CDC42SE2: variants seen among roughly 807,000 people sequenced by gnomAD.
CDC42SE2 encodes the protein CDC42 small effector protein 2.
Under a neutral mutation model 11.5 loss-of-function variants are expected in CDC42SE2, and 3 were observed. The observed-to-expected ratio is 0.26, with a 90% CI of 0.12 to 0.67. The LOEUF is 0.67. Among genes scored for constraint, CDC42SE2 ranks in the 30% least tolerant of loss-of-function variants. The pLI, the probability that CDC42SE2 is intolerant of heterozygous loss-of-function variation, is 0.80. For synonymous variants in CDC42SE2, 33 were observed against 34.8 expected (o/e 0.95, Z 0.18); for missense variants, 82 against 106.8 (o/e 0.77, Z 1.02).
chr5:131,336,011 A>C (rs1364108726), intron 2 of CDC42SE2, among the ~76,000 whole-genome samples: 1 of 152,180 alleles, frequency 6.6e-6, no homozygotes, highest in Non-Finnish European at 1.5e-5. Context: ...TCCTGTCGTT[A>C]TGATGTTAGC....
chr5:131,337,741 G>A (rs780235332), intron 2 of CDC42SE2, among the ~76,000 whole-genome samples: 1 of 152,218 alleles, frequency 6.6e-6, no homozygotes, highest in Non-Finnish European at 1.5e-5. Flanking sequence ...AATGAGCGAG[G>A]CTCCGTGAGG....
At chr5:131,211,381 G>T in the CDC42SE2 span, among the ~76,000 whole-genome samples, 21 of 151,694 alleles carry the variant, frequency 1.4e-4, no homozygotes, top group Non-Finnish European at 2.5e-4. Flanking sequence ...TTCCTTTTTC[G>T]CAGTGATTTG....
the CDC42SE2 span, among the ~76,000 whole-genome samples, chr5:131,228,205 T>TA: frequency 2.9e-4 from 43 of 146,532 alleles, no homozygotes; most frequent in East Asian, 5.9e-4. Context: ...AGACCCTGTT[T>TA]AAAAAAAAAA....
chr5:131,234,624 A>C, the CDC42SE2 span, among the ~76,000 whole-genome samples: 1 of 150,356 alleles, frequency 6.7e-6, no homozygotes, highest in Non-Finnish European at 1.5e-5. Flanking sequence ...TGACAGAGTG[A>C]GACTCTGTCT....
intron 3 of CDC42SE2, among the ~76,000 whole-genome samples, chr5:131,367,216 T>C (rs939175939): frequency 2.0e-5 from 3 of 151,912 alleles, no homozygotes; most frequent in Admixed American, 1.3e-4. Context: ...CAAACAGATA[T>C]AAGCTCCTAC....
At chr5:131,236,440 T>A in the CDC42SE2 span, among the ~76,000 whole-genome samples, 733 of 152,250 alleles carry the variant, frequency 4.8e-3, 7 homozygotes, top group Non-Finnish European at 9.2e-3. Context: ...TATTATTATT[T>A]TTTTGAGACG....
intron 2 of CDC42SE2, among the ~76,000 whole-genome samples, chr5:131,348,710 G>C (rs1022021561): frequency 2.0e-5 from 3 of 152,010 alleles, no homozygotes; most frequent in Non-Finnish European, 4.4e-5. Context: ...AAGAACAAAG[G>C]TGGAGGCATC....
chr5:131,268,894 G>GC (rs1380004132), intron 1 of CDC42SE2, among the ~76,000 whole-genome samples: 1 of 151,502 alleles, frequency 6.6e-6, no homozygotes, highest in Non-Finnish European at 1.5e-5. Flanking sequence ...GGGACTACAG[G>GC]CGTGTGCCAC....
At chr5:131,381,874 A>G (rs965656346) in intron 3 of CDC42SE2, among the ~76,000 whole-genome samples, 2 of 152,212 alleles carry the variant, frequency 1.3e-5, no homozygotes, top group South Asian at 2.1e-4. Context: ...AGTCCTTTAC[A>G]AACTCTATGT....
At position 131,360,898 on chromosome 5, in the gene CDC42SE2, T is replaced by C. The variant is rs187835965; in HGVS notation, c.54+1351T>C. On this transcript the variant is annotated intron_variant, in intron 3 of 4. Transcript: ENST00000505065. ...TTAATTGCTCTACTTACTTAATATGTTTTGCTGTGTCATAGGGGAAATTTT... is the reference window on the plus strand; with the variant it reads ...TTAATTGCTCTACTTACTTAATATGCTTTGCTGTGTCATAGGGGAAATTTT... Among the ~76,000 whole-genome samples the C allele has an allele frequency of 2.7e-4, 41 of 152,248 alleles. 1 individual carries two copies. Among genetic ancestry groups the C allele is most frequent in the Admixed American group, 2.6e-3 (40 of 15,286 alleles).
At chr5:131,286,534 A>G (rs1215071475) in intron 1 of CDC42SE2, among the ~76,000 whole-genome samples, 4 of 151,680 alleles carry the variant, frequency 2.6e-5, no homozygotes, top group African/African-American at 9.7e-5. Flanking sequence ...AAGGCTTTAT[A>G]CTCAGCGTAC....
At chr5:131,230,063 A>G in the CDC42SE2 span, among the ~76,000 whole-genome samples, 1 of 152,204 alleles carries the variant, frequency 6.6e-6, no homozygotes, top group East Asian at 1.9e-4. Flanking sequence ...CCTTTCCAAT[A>G]TCATTTATAA....
chr5:131,322,736 G>C (rs1447294761), intron 2 of CDC42SE2, among the ~76,000 whole-genome samples: 1 of 152,124 alleles, frequency 6.6e-6, no homozygotes, highest in East Asian at 1.9e-4. Context: ...TGGCTGTTGT[G>C]CTACCTCTTG....
At chr5:131,353,906 T>C (rs1029265560) in intron 2 of CDC42SE2, among the ~76,000 whole-genome samples, 1 of 150,724 alleles carries the variant, frequency 6.6e-6, no homozygotes, top group Non-Finnish European at 1.5e-5. Context: ...AGCAAAACTC[T>C]GTCTAAAAAA....
the CDC42SE2 span, among the ~76,000 whole-genome samples, chr5:131,213,915 G>A: frequency 6.6e-6 from 1 of 152,006 alleles, no homozygotes; most frequent in Non-Finnish European, 1.5e-5. Context: ...AATTTCGACT[G>A]AATGCAATCT....
intron 2 of CDC42SE2, among the ~76,000 whole-genome samples, chr5:131,358,714 C>CT (rs1330251433): frequency 6.6e-6 from 1 of 152,130 alleles, no homozygotes; most frequent in Non-Finnish European, 1.5e-5. Context: ...ATGTACAGCT[C>CT]TAATTCCAGT....
intron 2 of CDC42SE2, chr5:131,354,782 A>G (rs1749484106): frequency 6.6e-6 from 1 of 152,194 alleles, no homozygotes; most frequent in Admixed American, 6.5e-5. Context: ...GAGCATCCAA[A>G]TCCAAAAATC....
chr5:131,307,072 T>A (rs984622496), intron 1 of CDC42SE2, among the ~76,000 whole-genome samples: 36 of 152,064 alleles, frequency 2.4e-4, no homozygotes, highest in African/African-American at 8.0e-4. Context: ...TTAATTTTTT[T>A]ATTATTATTA....
chr5:131,338,147 A>G (rs1014346261), intron 2 of CDC42SE2, among the ~76,000 whole-genome samples: 9 of 152,254 alleles, frequency 5.9e-5, no homozygotes, highest in African/African-American at 2.2e-4. Flanking sequence ...TAACTGTGTT[A>G]TATATGAACA....
Sources: allele counts gnomAD v4.1 joint callset (sites outside exome capture counted in the v4.1 genomes callset), GRCh38; gene constraint gnomAD v4.1.1; transcripts MANE v1.5; gene names NCBI Gene and HGNC (gene_info 2026-07-23, HGNC 2026-07-21).